Variants in MAP3K20 observed in about 807,000 individuals in gnomAD.
MAP3K20 encodes the protein HCCS-4.
MAP3K20 carries 40 observed loss-of-function variants against 85.7 expected under a neutral mutation model. The observed-to-expected ratio is 0.47, with a 90% CI of 0.36 to 0.61. MAP3K20 has a LOEUF of 0.61. Ranked by LOEUF, MAP3K20 falls within the 20% of genes least tolerant of loss-of-function variation. The probability of loss-of-function intolerance (pLI) is 0.00; values close to 1 mark genes in which losing one functional copy is unlikely to be tolerated. For synonymous variants in MAP3K20, 325 were observed against 327.7 expected (o/e 0.99, Z 0.09); for missense variants, 817 against 961.7 (o/e 0.85, Z 1.99).
At chr2:173,239,667 T>C (rs1405595374) in intron 16 of MAP3K20, among the ~76,000 whole-genome samples, 171 bp downstream of exon 16, 1 of 152,182 alleles carries the variant, frequency 6.6e-6, no homozygotes, top group Non-Finnish European at 1.5e-5. Context: ...GCCTCTGTAA[T>C]CCAGTCTAGG....
chr2:173,263,241 G>T (rs887042356), intron 18 of MAP3K20, among the ~76,000 whole-genome samples: 1 of 151,964 alleles, frequency 6.6e-6, no homozygotes, highest in African/African-American at 2.4e-5. Context: ...TTTCCCCTCC[G>T]TGCAGGTAAT....
At chr2:173,210,840 C>CCTGTTACTAGATACTT (rs1222695973) in intron 10 of MAP3K20, 28 of 152,238 alleles carry the variant, frequency 1.8e-4, no homozygotes, top group African/African-American at 6.5e-4. Flanking sequence ...GTTGTTTACT[C>CCTGTTACTAGATACTT]CTGTTACTAG....
intron 4 of MAP3K20, among the ~76,000 whole-genome samples, chr2:173,185,112 A>G (rs982337810): frequency 3.3e-5 from 5 of 152,122 alleles, no homozygotes; most frequent in African/African-American, 9.7e-5. Flanking sequence ...GTGGTGGCGC[A>G]TGCCTGTAAT....
In MAP3K20 at chr2:173,217,259, C is replaced by T; in HGVS notation, c.987+9C>T. The T allele has an allele frequency of 1.3e-6, 2 of 1,538,686 alleles. No homozygotes were observed. Among genetic ancestry groups the T allele is most frequent in the Admixed American group, 1.9e-5 (1 of 51,366 alleles). On this transcript the variant is annotated intron_variant, in intron 11 of 19. Coordinates refer to ENST00000375213, the MANE Select transcript of MAP3K20 (RefSeq NM_016653.3). Reference sequence around the variant, plus strand: ...AGCAGTCCAACACCCCGGTGAGTACCCTCCCCCTTCGCCGTCTTTCCACAT... The same window carrying T: ...AGCAGTCCAACACCCCGGTGAGTACTCTCCCCCTTCGCCGTCTTTCCACAT...
At chr2:173,124,334 A>G (rs1688380706) in intron 2 of MAP3K20, among the ~76,000 whole-genome samples, 1 of 152,196 alleles carries the variant, frequency 6.6e-6, no homozygotes, top group Non-Finnish European at 1.5e-5. Flanking sequence ...TGGGGATAGC[A>G]AAGGCAGAGA....
chr2:173,093,111 G>GTTT (rs1222991682), intron 2 of MAP3K20, among the ~76,000 whole-genome samples: 1 of 152,186 alleles, frequency 6.6e-6, no homozygotes, highest in African/African-American at 2.4e-5. Context: ...ATGAGTTTAA[G>GTTT]ACATAAAAAG....
At chr2:173,210,888 AC>A (rs1683871330) in intron 10 of MAP3K20, 1 of 152,136 alleles carries the variant, frequency 6.6e-6, no homozygotes, top group African/African-American at 2.4e-5. Context: ...TTTTACAATA[AC>A]CTTATTTATT....
chr2:173,148,618 G>A (rs1176992129), intron 2 of MAP3K20, among the ~76,000 whole-genome samples: 1 of 152,184 alleles, frequency 6.6e-6, no homozygotes, highest in African/African-American at 2.4e-5. Flanking sequence ...TCCACTGAGG[G>A]ATAAAGAAAA....
chr2:173,226,372 A>G (rs1188536610), intron 11 of MAP3K20: 2 of 985,316 alleles, frequency 2.0e-6, no homozygotes, highest in African/African-American at 3.5e-5. Context: ...CAGCCTTTTG[A>G]AAGTAGCAGA....
chr2:173,145,856 A>G (rs1022227557), intron 2 of MAP3K20, among the ~76,000 whole-genome samples: 7 of 152,228 alleles, frequency 4.6e-5, no homozygotes, highest in African/African-American at 1.7e-4. Context: ...GAACAACTCA[A>G]ATATTAACAG....
At chr2:173,253,115 C>G (rs1351694731) in intron 16 of MAP3K20, among the ~76,000 whole-genome samples, 1 of 152,170 alleles carries the variant, frequency 6.6e-6, no homozygotes, top group Non-Finnish European at 1.5e-5. Context: ...CCCAGCCTGC[C>G]CACTCCAGCA....
At chr2:173,230,147 A>G (rs1219305068) in intron 12 of MAP3K20, among the ~76,000 whole-genome samples, 2 of 151,960 alleles carry the variant, frequency 1.3e-5, no homozygotes, top group Non-Finnish European at 2.9e-5. Context: ...TTCTGTTTTT[A>G]ATGCAATAAT....
chr2:173,238,526 T>C (rs1030455964), intron 15 of MAP3K20, 91 bp downstream of exon 15: 3 of 1,205,424 alleles, frequency 2.5e-6, no homozygotes, highest in African/African-American at 3.0e-5. Flanking sequence ...ATGTCAGTAA[T>C]GGTTGTTTGA....
intron 8 of MAP3K20, among the ~76,000 whole-genome samples, chr2:173,200,217 A>T (rs535389685): frequency 1.3e-5 from 2 of 152,320 alleles, no homozygotes; most frequent in African/African-American, 4.8e-5. Flanking sequence ...TTAAGTTTCA[A>T]TGTAAGTTTC....
chr2:173,116,866 A>C (rs1166177655), intron 2 of MAP3K20, among the ~76,000 whole-genome samples: 2 of 152,232 alleles, frequency 1.3e-5, no homozygotes, highest in Admixed American at 1.3e-4. Context: ...GTCTCTGAAC[A>C]GTAAATATTG....
intron 2 of MAP3K20, among the ~76,000 whole-genome samples, chr2:173,111,252 G>T (rs938686491): frequency 6.6e-6 from 1 of 152,094 alleles, no homozygotes; most frequent in African/African-American, 2.4e-5. Context: ...GTCTATTCAT[G>T]TCCTTAGCCC....
chr2:173,146,613 A>G (rs1689144430), intron 2 of MAP3K20, among the ~76,000 whole-genome samples: 1 of 152,204 alleles, frequency 6.6e-6, no homozygotes, highest in South Asian at 2.1e-4. Flanking sequence ...TTCTGTCTCC[A>G]GAGATCTGCC....
At chr2:173,201,038 G>A (rs183022208) in intron 8 of MAP3K20, among the ~76,000 whole-genome samples, 14 of 152,238 alleles carry the variant, frequency 9.2e-5, no homozygotes, top group Admixed American at 8.5e-4. Context: ...TCAAGACCAG[G>A]CAATTGAGAT....
chr2:173,096,615 G>A (rs1309528527), intron 2 of MAP3K20, among the ~76,000 whole-genome samples: 3 of 152,184 alleles, frequency 2.0e-5, no homozygotes, highest in Non-Finnish European at 4.4e-5. Context: ...TGGGATTACA[G>A]GCGTGAGCCA....
Sources: allele counts gnomAD v4.1 joint callset (sites outside exome capture counted in the v4.1 genomes callset), GRCh38; gene constraint gnomAD v4.1.1; transcripts MANE v1.5; gene names NCBI Gene and HGNC (gene_info 2026-07-23, HGNC 2026-07-21).